TTLL9: variants seen among roughly 807,000 people sequenced by gnomAD.
TTLL9 encodes tubulin tyrosine ligase like 9, also known as probable tubulin polyglutamylase TTLL9.
In TTLL9, 47 loss-of-function variants were observed where a neutral mutation model predicts 65.6. The observed-to-expected ratio is 0.72, with a 90% CI of 0.57 to 0.91. TTLL9 has a LOEUF of 0.91. Among genes scored for constraint, TTLL9 ranks in the 40% least tolerant of loss-of-function variants. The probability of loss-of-function intolerance (pLI) is 0.00; values close to 1 mark genes in which losing one functional copy is unlikely to be tolerated. For missense variants in TTLL9, 537 were observed against 568.8 expected (o/e 0.94, Z 0.57); for synonymous variants, 179 against 204.8 (o/e 0.87, Z 1.07).
chr20:31,885,411 C>T lies in TTLL9; in HGVS notation c.70-1785C>T, dbSNP rs151180084. Among the ~76,000 whole-genome samples, 407 of 152,236 alleles carry T rather than the reference C, an allele frequency of 2.7e-3. 4 individuals are homozygous for T. Among genetic ancestry groups the T allele is most frequent in the African/African-American group, 9.5e-3 (394 of 41,536 alleles). On this transcript the variant is annotated intron_variant, in intron 2 of 14. Coordinates refer to ENST00000535842, the MANE Select transcript of TTLL9 (RefSeq NM_001008409.5). ...GCATGGTCAATTGAATTGTGACAGA[C>T]GTGCCAATGCAATTCAATGAGGAGA... is the stretch of plus-strand genomic sequence containing the variant.
chr20:31,911,489 C>T (rs987916204), intron 6 of TTLL9, among the ~76,000 whole-genome samples: 17 of 152,194 alleles, frequency 1.1e-4, no homozygotes, highest in African/African-American at 4.1e-4. Flanking sequence ...CTGACAAAAA[C>T]AATGGATGCT....
chr20:31,911,511 C>T (rs562004745), intron 6 of TTLL9, among the ~76,000 whole-genome samples: 14 of 152,306 alleles, frequency 9.2e-5, no homozygotes, highest in South Asian at 2.1e-4. Context: ...CCAACAGGCA[C>T]GAAGCCAAGG....
At chr20:31,920,907 A>G (rs1460694259) in intron 7 of TTLL9, among the ~76,000 whole-genome samples, 13 of 152,186 alleles carry the variant, frequency 8.5e-5, no homozygotes, top group African/African-American at 3.1e-4. Flanking sequence ...AGTGAAGGGG[A>G]CAATAGGTGG....
chr20:31,941,226 G>GA lies in TTLL9; in HGVS notation c.1244-1701dup, dbSNP rs138767749. Reference sequence around the variant, plus strand: ...AGCGAGACTGTCTCACACAGAAAAAGAAAAAAAAAAAAAAAAAAGAAAATA... The same window carrying GA: ...AGCGAGACTGTCTCACACAGAAAAAGAAAAAAAAAAAAAAAAAAAGAAAATA... On this transcript the variant is annotated intron_variant, in intron 14 of 14. Coordinates refer to ENST00000535842, the MANE Select transcript of TTLL9 (RefSeq NM_001008409.5). 337 of 108,066 alleles carry GA rather than the reference G, an allele frequency of 3.1e-3. 1 individual carries two copies. The highest frequency in any genetic ancestry group is 0.016 in the East Asian group (38 of 2,440). The allele number at this position is 108,066 out of a possible 1,614,324, so 6.7% of individuals were successfully genotyped here. A position where few individuals can be genotyped will look rare whatever the true frequency, so the allele number is the denominator to read the frequency against.
At chr20:31,895,695 C>A (rs1268547156) in intron 3 of TTLL9, among the ~76,000 whole-genome samples, 1 of 151,990 alleles carries the variant, frequency 6.6e-6, no homozygotes, top group Admixed American at 6.6e-5. Flanking sequence ...TGCCACCATG[C>A]CCGGCTAGAA....
chr20:31,921,690 G>C (rs1346441535), intron 7 of TTLL9, among the ~76,000 whole-genome samples: 2 of 152,144 alleles, frequency 1.3e-5, no homozygotes, highest in Non-Finnish European at 2.9e-5. Flanking sequence ...GGATGAAGCT[G>C]GAAACCGTCA....
At chr20:31,872,699 A>G (rs1481844794) in intron 2 of TTLL9, among the ~76,000 whole-genome samples, 1 of 152,138 alleles carries the variant, frequency 6.6e-6, no homozygotes, top group Non-Finnish European at 1.5e-5. Context: ...TCAAAAAAAT[A>G]AAAAATAACA....
Position 31,943,944 on chromosome 20 carries a change from CA to C in TTLL9, c.*924del, listed in dbSNP as rs1223919932. 1.7e-5 allele frequency: 7 copies of C among 414,516 alleles called. No individual in the cohort carries two copies. The highest frequency in any genetic ancestry group is 5.2e-5 in the South Asian group (3 of 57,224). 25.7% of individuals were successfully genotyped at this position (414,516 alleles called of 1,614,324 possible). Reference sequence around the variant, plus strand: ...CTCGGGGCTGTTGGGGTAACTGTTCCAGGGGGGACTTACTCCCTCTACCACT... The same window carrying C: ...CTCGGGGCTGTTGGGGTAACTGTTCCGGGGGGACTTACTCCCTCTACCACT... On this transcript the variant is annotated 3_prime_UTR_variant, in exon 15 of 15. Coordinates refer to ENST00000535842, the MANE Select transcript of TTLL9 (RefSeq NM_001008409.5).
chr20:31,878,239 C>T (rs1190948905), intron 2 of TTLL9, among the ~76,000 whole-genome samples: 1 of 152,182 alleles, frequency 6.6e-6, no homozygotes, highest in African/African-American at 2.4e-5. Context: ...TTCTAATACT[C>T]TGTAGATTAT....
intron 2 of TTLL9, among the ~76,000 whole-genome samples, chr20:31,880,283 C>T (rs2063099514): frequency 6.6e-6 from 1 of 152,144 alleles, no homozygotes; most frequent in Non-Finnish European, 1.5e-5. Flanking sequence ...ATCCATCCAT[C>T]CATCCATCCG....
chr20:31,904,900 G>A (rs11906890), intron 4 of TTLL9, among the ~76,000 whole-genome samples: 10,407 of 152,152 alleles, frequency 0.068, 386 homozygotes, highest in Middle Eastern at 0.2. Flanking sequence ...GCAAGGTCAC[G>A]TAGTGCCAGT....
At chr20:31,883,739 A>G (rs77751795) in intron 2 of TTLL9, among the ~76,000 whole-genome samples, 2 of 152,116 alleles carry the variant, frequency 1.3e-5, no homozygotes, top group Non-Finnish European at 2.9e-5. Context: ...TAAAAAAAAA[A>G]GCCTGTTCAT....
At chr20:31,928,540 AT>A (rs1439075887) in intron 10 of TTLL9, among the ~76,000 whole-genome samples, 1 of 151,126 alleles carries the variant, frequency 6.6e-6, no homozygotes, top group Non-Finnish European at 1.5e-5. Flanking sequence ...TCAAATATAT[AT>A]TTGCATATAG....
intron 2 of TTLL9, chr20:31,872,994 G>A (rs569502039): frequency 3.9e-6 from 2 of 518,196 alleles, no homozygotes; most frequent in East Asian, 5.4e-5. Context: ...CAAATACTTC[G>A]ACCCCTCACT....
At chr20:31,924,942 C>T in intron 8 of TTLL9, 67 bp from the exon 9 acceptor site, 1 of 1,579,394 alleles carries the variant, frequency 6.3e-7, no homozygotes, top group Non-Finnish European at 8.7e-7. Flanking sequence ...GCTATTTTCC[C>T]AAAACCTAGC....
intron 2 of TTLL9, among the ~76,000 whole-genome samples, chr20:31,874,848 G>C (rs975672581): frequency 6.6e-6 from 1 of 152,132 alleles, no homozygotes; most frequent in Non-Finnish European, 1.5e-5. Flanking sequence ...AAGTCGGAGT[G>C]GTGTAATTGC....
chr20:31,913,074 C>G (rs2063680760), intron 6 of TTLL9, among the ~76,000 whole-genome samples: 1 of 152,008 alleles, frequency 6.6e-6, no homozygotes, highest in Non-Finnish European at 1.5e-5. Flanking sequence ...GTGGGAGGAC[C>G]ACTTGGGCCT....
intron 6 of TTLL9, among the ~76,000 whole-genome samples, chr20:31,911,837 T>C (rs1241009557): frequency 1.0e-4 from 3 of 29,758 alleles, no homozygotes; most frequent in African/African-American, 4.0e-4. Context: ...TGTGCGTGTG[T>C]GTGTGTGTGT....
intron 4 of TTLL9, among the ~76,000 whole-genome samples, chr20:31,905,095 G>A (rs1048817778): frequency 4.6e-5 from 7 of 152,068 alleles, no homozygotes; most frequent in Non-Finnish European, 1.0e-4. Flanking sequence ...TTTTGAGATG[G>A]AGTCTCACTC....
Sources: gnomAD v4.1 joint callset for allele counts (sites outside exome capture counted in the v4.1 genomes callset) on GRCh38, gnomAD v4.1.1 for gene constraint, MANE v1.5 for transcripts, NCBI Gene and HGNC (gene_info 2026-07-23, HGNC 2026-07-21) for gene names.